Variants in DGKH observed in about 807,000 individuals in gnomAD.
The protein encoded by DGKH is DAG kinase eta.
DGKH carries 90 observed loss-of-function variants against 159.3 expected under a neutral mutation model. The ratio of observed to expected loss-of-function variants is 0.57; its 90% CI spans 0.48 to 0.67. The LOEUF (loss-of-function observed/expected upper bound fraction) is 0.67. DGKH is among the 30% of genes least tolerant of loss of function. DGKH has a pLI of 0.00. For missense variants in DGKH, 1,181 were observed against 1,506.1 expected, an observed-to-expected ratio of 0.78 and a Z score of 3.57; for synonymous variants, 536 against 553.8, an observed-to-expected ratio of 0.97 and a Z score of 0.45.
In DGKH at chr13:42,198,696, T is replaced by A. The variant is rs544732090; in HGVS notation, c.2285+101T>A. On this transcript the variant is annotated intron_variant, in intron 18 of 29. Coordinates refer to ENST00000337343, the MANE Select transcript of DGKH (RefSeq NM_178009.5). ...TTTAAATGTATTACAATAAATATGG[T>A]CCCATGTAAAAAAAGGATGATCAGA... 3 of 1,043,024 alleles carry A rather than the reference T, an allele frequency of 2.9e-6. No homozygotes were observed. The East Asian group carries it at 7.4e-5, about 26-fold the overall frequency. 64.6% of individuals were successfully genotyped at this position (1,043,024 alleles called of 1,614,324 possible).
chr13:42,215,169 T>A (rs999369032), intron 25 of DGKH, among the ~76,000 whole-genome samples: 4 of 152,026 alleles, frequency 2.6e-5, no homozygotes, highest in African/African-American at 7.2e-5. Flanking sequence ...TTTTTTTTTT[T>A]AATTATTTGA....
In DGKH at chr13:42,230,053, T is replaced by G. The variant is rs905641553; in HGVS notation, c.*865T>G. On this transcript the variant is annotated 3_prime_UTR_variant, in exon 30 of 30. Coordinates refer to ENST00000337343, the MANE Select transcript of DGKH (RefSeq NM_178009.5). Reference sequence around the variant, plus strand: ...GTAGGCGTGCACGTTAAGAAAATTCTCTGGATATTTTCATAAAATTACATG... The same window carrying G: ...GTAGGCGTGCACGTTAAGAAAATTCGCTGGATATTTTCATAAAATTACATG... The G allele has an allele frequency of 7.2e-5, 11 of 152,314 alleles. No homozygotes were observed. Among genetic ancestry groups the G allele is most frequent in the African/African-American group, 2.6e-4 (11 of 41,574 alleles). The allele number at this position is 152,314 out of a possible 1,614,324, so 9.4% of individuals were successfully genotyped here.
Position 42,061,988 on chromosome 13 carries a change from G to GGTGTGTGTGTGTGTGT in DGKH, c.192+13030_192+13045dup, listed in dbSNP as rs60863220. On this transcript the variant is annotated intron_variant, in intron 1 of 29. Transcript: ENST00000337343. ...GAGAAAGATGGAGAGTGTGTGTGTG[G>GGTGTGTGTGTGTGTGT]GTGTGTGTGTGTGTGTGTGTGTAAA... 6.6e-3 allele frequency among the ~76,000 whole-genome samples: 993 copies of GGTGTGTGTGTGTGTGT among 149,782 alleles called. 11 individuals carry two copies. The highest frequency in any genetic ancestry group is 0.018 in the African/African-American group (728 of 40,812).
At chr13:42,090,222 A>T (rs1292765467) in intron 1 of DGKH, among the ~76,000 whole-genome samples, 1 of 152,228 alleles carries the variant, frequency 6.6e-6, no homozygotes, top group African/African-American at 2.4e-5. Flanking sequence ...AATTTTAAAA[A>T]ACTGTATGCA....
At chr13:42,253,750 G>C (rs1416051438) in intron 30 of DGKH, among the ~76,000 whole-genome samples, 1 of 152,166 alleles carries the variant, frequency 6.6e-6, no homozygotes, top group Admixed American at 6.6e-5. Flanking sequence ...CTAGGTTCTT[G>C]CCTTCATTTT....
chr13:42,069,925 G>T, intron 1 of DGKH: 1 of 720,498 alleles, frequency 1.4e-6, no homozygotes, highest in Non-Finnish European at 2.4e-6. Flanking sequence ...TTCTTCATCA[G>T]TGACATCAGA....
upstream of DGKH, among the ~76,000 whole-genome samples, chr13:42,045,260 G>C (rs185193207): frequency 3.0e-4 from 45 of 152,326 alleles, no homozygotes; most frequent in Non-Finnish European, 4.7e-4. Context: ...GACGCAGTGA[G>C]CTGTGATTGG....
At chr13:42,083,521 G>T (rs1218130758) in intron 1 of DGKH, among the ~76,000 whole-genome samples, 1 of 152,244 alleles carries the variant, frequency 6.6e-6, no homozygotes, top group Non-Finnish European at 1.5e-5. Flanking sequence ...GTTCTGGCGG[G>T]GTTCCTGGCG....
intron 9 of DGKH, 110 bp downstream of exon 9, chr13:42,166,784 T>G: frequency 1.1e-6 from 1 of 917,914 alleles, no homozygotes; most frequent in Non-Finnish European, 1.5e-6. Flanking sequence ...CCCTCCCTCG[T>G]TTTTAAAGCT....
At chr13:42,113,282 C>A (rs1396524746) in intron 1 of DGKH, among the ~76,000 whole-genome samples, 19 of 152,122 alleles carry the variant, frequency 1.2e-4, no homozygotes, top group African/African-American at 4.6e-4. Flanking sequence ...AGGGTTTATG[C>A]AAATTATTAT....
At position 42,232,321 on chromosome 13, in the gene DGKH, G is replaced by A. The variant is rs2138296988; in HGVS notation, c.*3133G>A. The A allele has an allele frequency of 6.6e-6, 1 of 152,440 alleles. No individual in the cohort carries two copies. The allele number at this position is 152,440 out of a possible 1,614,324, so 9.4% of individuals were successfully genotyped here. On this transcript the variant is annotated 3_prime_UTR_variant, in exon 30 of 30. Transcript: ENST00000337343. ...GCTGGTGGGAGGGCAGGGAAGGGGA[G>A]GCCATCAGCCAGAATGTATTTTCTT...
At position 42,155,168 on chromosome 13, in the gene DGKH, A is replaced by C. The variant is rs557768724; in HGVS notation, c.385-123A>C. 3.9e-6 allele frequency: 3 copies of C among 767,434 alleles called. No individual in the cohort carries two copies. The East Asian group carries it at 8.0e-5, about 20-fold the overall frequency. The allele number at this position is 767,434 out of a possible 1,614,324, so 47.5% of individuals were successfully genotyped here. A position where few individuals can be genotyped will look rare whatever the true frequency, so the allele number is the denominator to read the frequency against. On this transcript the variant is annotated intron_variant, in intron 3 of 29. Coordinates refer to ENST00000337343, the MANE Select transcript of DGKH (RefSeq NM_178009.5). ...TAGACCACATTATTTTATCATACAGATTACAAAAACGTAAGAAATAAAGAC... is the reference window on the plus strand; with the variant it reads ...TAGACCACATTATTTTATCATACAGCTTACAAAAACGTAAGAAATAAAGAC...
At chr13:42,214,709 G>A (rs1258317667) in intron 25 of DGKH, 97 bp downstream of exon 25, 3 of 1,172,556 alleles carry the variant, frequency 2.6e-6, no homozygotes, top group Non-Finnish European at 3.5e-6. Flanking sequence ...GTGACAGAAA[G>A]TTATGTTGTC....
intron 13 of DGKH, chr13:42,181,596 T>C (rs1481309948): frequency 3.5e-6 from 1 of 289,502 alleles, no homozygotes; most frequent in Non-Finnish European, 7.5e-6. Context: ...GCTGCTGCTG[T>C]GCAGCTAGTC....
intron 2 of DGKH, among the ~76,000 whole-genome samples, chr13:42,128,313 A>G (rs192183582): frequency 6.6e-6 from 1 of 152,322 alleles, no homozygotes; most frequent in East Asian, 1.9e-4. Flanking sequence ...TTTCATTTTT[A>G]TAAATGTATG....
At chr13:42,111,644 A>T (rs1954865017) in intron 1 of DGKH, among the ~76,000 whole-genome samples, 1 of 152,220 alleles carries the variant, frequency 6.6e-6, no homozygotes, top group Middle Eastern at 3.2e-3. Flanking sequence ...TTTAAATGTA[A>T]ATGTCCCAAA....
At chr13:42,104,736 C>A (rs1489951804) in intron 1 of DGKH, among the ~76,000 whole-genome samples, 1 of 152,156 alleles carries the variant, frequency 6.6e-6, no homozygotes, top group Non-Finnish European at 1.5e-5. Flanking sequence ...ACAAAAATTT[C>A]TCTCTGCTCT....
Position 42,051,892 on chromosome 13 carries a change from C to T in DGKH, c.192+2927C>T, listed in dbSNP as rs1280271541. On this transcript the variant is annotated intron_variant, in intron 1 of 29. Transcript: ENST00000337343. ...GTTGGTCAGGCTGGTCTCGAACTCC[C>T]GACCTCAGGTGATCTGCCCACCTTG... Among the ~76,000 whole-genome samples the T allele has an allele frequency of 9.9e-5, 15 of 152,004 alleles. 1 individual carries two copies. Among genetic ancestry groups the T allele is most frequent in the Admixed American group, 5.2e-4 (8 of 15,254 alleles).
intron 3 of DGKH, among the ~76,000 whole-genome samples, chr13:42,141,125 T>A (rs954391007): frequency 1.4e-5 from 2 of 147,128 alleles, no homozygotes; most frequent in African/African-American, 5.0e-5. Flanking sequence ...ATTCTTCAAT[T>A]CCCACCTATG....
Sources: allele counts gnomAD v4.1 joint callset (sites outside exome capture counted in the v4.1 genomes callset), GRCh38; gene constraint gnomAD v4.1.1; transcripts MANE v1.5; gene names NCBI Gene and HGNC (gene_info 2026-07-23, HGNC 2026-07-21).